Variants in B3GALT1 observed in about 807,000 individuals in gnomAD.
The protein encoded by B3GALT1 is UDP-Gal:betaGlcNAc beta 1,3-galactosyltransferase, polypeptide 1.
In B3GALT1, 10 loss-of-function variants were observed where a neutral mutation model predicts 23.2. The ratio of observed to expected loss-of-function variants is 0.43; its 90% CI spans 0.27 to 0.73. The LOEUF is 0.73. Ranked by LOEUF, B3GALT1 falls within the 30% of genes least tolerant of loss-of-function variation. The pLI is 0.21. For synonymous variants in B3GALT1, 156 were observed against 141.5 expected (o/e 1.10, Z -0.73); for missense variants, 299 against 405.4 (o/e 0.74, Z 2.25).
chr2:167,694,589 A>G (rs1320482000), intron 3 of B3GALT1, among the ~76,000 whole-genome samples: 1 of 152,156 alleles, frequency 6.6e-6, no homozygotes, highest in Non-Finnish European at 1.5e-5. Flanking sequence ...AAAGTAAGAA[A>G]AAAAAGTTGG....
At chr2:167,353,355 C>T (rs530376763) in intron 1 of B3GALT1, among the ~76,000 whole-genome samples, 3 of 152,200 alleles carry the variant, frequency 2.0e-5, no homozygotes, top group Admixed American at 2.0e-4. Flanking sequence ...CAAGAGTGTC[C>T]ACTAAGATTC....
At chr2:167,719,790 G>A (rs1232632928) in intron 3 of B3GALT1, among the ~76,000 whole-genome samples, 1 of 152,132 alleles carries the variant, frequency 6.6e-6, no homozygotes, top group Non-Finnish European at 1.5e-5. Flanking sequence ...AAATTAGCCA[G>A]GTATGGTGGC....
intron 3 of B3GALT1, among the ~76,000 whole-genome samples, chr2:167,730,549 G>T (rs1236717208): frequency 6.6e-6 from 1 of 152,138 alleles, no homozygotes; most frequent in African/African-American, 2.4e-5. Context: ...ATATTAATTT[G>T]TTTGTCAAAA....
At position 167,848,027 on chromosome 2, in the gene B3GALT1, T is replaced by G. The variant is rs1316584463; in HGVS notation, c.-229-20784T>G. 6.6e-5 allele frequency among the ~76,000 whole-genome samples: 10 copies of G among 152,144 alleles called. No individual in the cohort carries two copies. The East Asian group carries it at 1.7e-3, about 26-fold the overall frequency. On this transcript the variant is annotated intron_variant, in intron 4 of 4. Coordinates refer to ENST00000392690, the MANE Select transcript of B3GALT1 (RefSeq NM_020981.4). ...AATTCCTGGAAAAATACAACCCTCC[T>G]AGCTTAAATCAGGAAGAATTAGATA...
chr2:167,341,030 G>A (rs983072847), intron 1 of B3GALT1, among the ~76,000 whole-genome samples: 1 of 152,076 alleles, frequency 6.6e-6, no homozygotes, highest in Non-Finnish European at 1.5e-5. Context: ...TTCTACAACT[G>A]GAAACTGACA....
chr2:167,392,824 T>C (rs1698035434), intron 1 of B3GALT1, among the ~76,000 whole-genome samples: 1 of 152,166 alleles, frequency 6.6e-6, no homozygotes, highest in South Asian at 2.1e-4. Flanking sequence ...ACATAAATCA[T>C]TCATGCCAAG....
At chr2:167,591,782 TTTG>T (rs914466964) in intron 2 of B3GALT1, among the ~76,000 whole-genome samples, 18 of 151,960 alleles carry the variant, frequency 1.2e-4, no homozygotes, top group East Asian at 7.8e-4. Flanking sequence ...CTGACCTGTT[TTTG>T]TTGTTGTTGT....
intron 3 of B3GALT1, among the ~76,000 whole-genome samples, chr2:167,789,898 A>G (rs1418204475): frequency 6.6e-6 from 1 of 152,140 alleles, no homozygotes; most frequent in African/African-American, 2.4e-5. Flanking sequence ...TGCAGAGAGA[A>G]GGGTGACCGT....
intron 3 of B3GALT1, among the ~76,000 whole-genome samples, chr2:167,729,159 C>T (rs1442543264): frequency 6.6e-6 from 1 of 152,166 alleles, no homozygotes; most frequent in Non-Finnish European, 1.5e-5. Context: ...AGTCCTGGAC[C>T]ATGAGTGAGT....
At chr2:167,752,288 TTA>T (rs1687749794) in intron 3 of B3GALT1, among the ~76,000 whole-genome samples, 1 of 152,196 alleles carries the variant, frequency 6.6e-6, no homozygotes, top group Non-Finnish European at 1.5e-5. Flanking sequence ...ACTTTTAACC[TTA>T]TATGTATATT....
intron 2 of B3GALT1, among the ~76,000 whole-genome samples, chr2:167,555,853 A>G (rs554907548): frequency 6.6e-6 from 1 of 152,282 alleles, no homozygotes; most frequent in South Asian, 2.1e-4. Context: ...CAAAAAGTGT[A>G]TTGAATAATC....
At chr2:167,850,461 A>G (rs913537602) in intron 4 of B3GALT1, among the ~76,000 whole-genome samples, 1 of 152,224 alleles carries the variant, frequency 6.6e-6, no homozygotes, top group African/African-American at 2.4e-5. Flanking sequence ...GTAAACTAAT[A>G]TGGCCACGAT....
rs750563862 is a variant in B3GALT1, at chr2:167,512,524, A to ATG, written c.-410+22257_-410+22258dup. 1.0e-3 allele frequency among the ~76,000 whole-genome samples: 144 copies of ATG among 140,494 alleles called. 2 individuals carry two copies. The highest frequency in any genetic ancestry group is 1.8e-3 in the Non-Finnish European group (121 of 65,638). 92.2% of individuals were successfully genotyped at this position (140,494 alleles called of 152,430 possible). Reference sequence around the variant, plus strand: ...ATTATACATGCATATATACATATATATGTGTGTGTGTATATATATATGTAT... The same window carrying ATG: ...ATTATACATGCATATATACATATATATGTGTGTGTGTGTATATATATATGTAT... On this transcript the variant is annotated intron_variant, in intron 2 of 4. Coordinates refer to ENST00000392690, the MANE Select transcript of B3GALT1 (RefSeq NM_020981.4).
At chr2:167,564,201 G>A (rs1278663534) in intron 2 of B3GALT1, among the ~76,000 whole-genome samples, 69 of 151,316 alleles carry the variant, frequency 4.6e-4, no homozygotes, top group African/African-American at 1.6e-3. Flanking sequence ...CGGCCGGGCA[G>A]AGACGCTCCT....
intron 2 of B3GALT1, among the ~76,000 whole-genome samples, chr2:167,600,139 A>G (rs1684849496): frequency 6.6e-6 from 1 of 152,190 alleles, no homozygotes; most frequent in African/African-American, 2.4e-5. Flanking sequence ...AAAATTTTGC[A>G]AGTATGATCA....
intron 3 of B3GALT1, among the ~76,000 whole-genome samples, chr2:167,805,606 T>G (rs1688736707): frequency 6.6e-6 from 1 of 152,238 alleles, no homozygotes; most frequent in African/African-American, 2.4e-5. Flanking sequence ...ATTTCTCATT[T>G]TTGTCAGGTT....
chr2:167,827,600 C>T (rs1005789265), intron 4 of B3GALT1, among the ~76,000 whole-genome samples: 7 of 152,194 alleles, frequency 4.6e-5, no homozygotes, highest in African/African-American at 1.4e-4. Flanking sequence ...CCTTCCCTCT[C>T]TGGCAGTCCC....
chr2:167,784,004 A>G (rs765169841), intron 3 of B3GALT1, among the ~76,000 whole-genome samples: 2 of 152,222 alleles, frequency 1.3e-5, no homozygotes, highest in Non-Finnish European at 2.9e-5. Context: ...GTAAAACGCT[A>G]TGAAGTAGAT....
At chr2:167,464,022 C>G (rs141025752) in intron 1 of B3GALT1, among the ~76,000 whole-genome samples, 19 of 152,220 alleles carry the variant, frequency 1.2e-4, no homozygotes, top group Admixed American at 4.6e-4. Context: ...TTACTCAGGT[C>G]TGAGAAACTA....
Sources: gnomAD v4.1 joint callset for allele counts (sites outside exome capture counted in the v4.1 genomes callset) on GRCh38, gnomAD v4.1.1 for gene constraint, MANE v1.5 for transcripts, NCBI Gene and HGNC (gene_info 2026-07-23, HGNC 2026-07-21) for gene names.